Variants in XIRP2 observed in about 807,000 individuals in gnomAD.
XIRP2 encodes xin actin-binding repeat-containing protein 2.
In XIRP2, 236 loss-of-function variants were observed where a neutral mutation model predicts 277.0. The observed-to-expected ratio is 0.85, with a 90% CI of 0.77 to 0.95. The LOEUF is 0.95. XIRP2 is among the 40% of genes least tolerant of loss of function. The pLI is 0.00. For synonymous variants in XIRP2, 1,490 were observed against 1,416.5 expected (o/e 1.05, Z -1.17); for missense variants, 4,640 against 4,157.5 (o/e 1.12, Z -3.19).
At chr2:167,010,097 T>C (rs1479289792) in intron 2 of XIRP2, among the ~76,000 whole-genome samples, 2 of 152,136 alleles carry the variant, frequency 1.3e-5, no homozygotes, top group East Asian at 1.9e-4. Flanking sequence ...ATTTTGTCTT[T>C]TGTTGCCATT....
intron 2 of XIRP2, among the ~76,000 whole-genome samples, chr2:167,108,873 A>G (rs147784625): frequency 6.6e-6 from 1 of 151,488 alleles, no homozygotes; most frequent in East Asian, 1.9e-4. Context: ...TCCTTTTTTA[A>G]TCTTTTATTT....
At position 167,129,655 on chromosome 2, in the gene XIRP2, G is replaced by A. The variant is rs188762129; in HGVS notation, c.409-6254G>A. Among the ~76,000 whole-genome samples, 6 of 152,174 alleles carry A rather than the reference G, an allele frequency of 3.9e-5. No homozygotes were observed. In the East Asian group the frequency reaches 1.2e-3, roughly 29 times the overall value. On this transcript the variant is annotated intron_variant, in intron 2 of 10. Transcript: ENST00000409195. ...GGAGGCCGAGGCAAGTGGATCACCT[G>A]AGGTTGGGAGTTCGAGAACAGCCTG...
intron 2 of XIRP2, among the ~76,000 whole-genome samples, chr2:167,070,523 T>A (rs767333103): frequency 3.7e-4 from 57 of 152,206 alleles, no homozygotes; most frequent in Non-Finnish European, 6.6e-4. Context: ...TTATTTTTCA[T>A]GTATTGTAAA....
chr2:166,937,153 A>T (rs1685542456), intron 2 of XIRP2, among the ~76,000 whole-genome samples: 1 of 152,174 alleles, frequency 6.6e-6, no homozygotes, highest in Admixed American at 6.6e-5. Context: ...GAGAGAGGGC[A>T]TCCCTATCCT....
intron 3 of XIRP2, among the ~76,000 whole-genome samples, chr2:167,170,151 G>C (rs1478459195): frequency 6.6e-6 from 1 of 152,040 alleles, no homozygotes; most frequent in Non-Finnish European, 1.5e-5. Context: ...CAATGATAAA[G>C]AACTTTTAAA....
chr2:167,164,346 T>C (rs944348784), intron 3 of XIRP2, among the ~76,000 whole-genome samples: 1 of 146,004 alleles, frequency 6.8e-6, no homozygotes, highest in Non-Finnish European at 1.5e-5. Flanking sequence ...CTCGGGAGGC[T>C]GAGGCAGGAG....
At chr2:167,022,129 T>C (rs1687999763) in intron 2 of XIRP2, among the ~76,000 whole-genome samples, 1 of 152,134 alleles carries the variant, frequency 6.6e-6, no homozygotes, top group Non-Finnish European at 1.5e-5. Flanking sequence ...AGTTTTAATA[T>C]ATCTCCTTTT....
chr2:167,122,442 G>A (rs1160057290), intron 2 of XIRP2, among the ~76,000 whole-genome samples: 1 of 152,262 alleles, frequency 6.6e-6, no homozygotes, highest in East Asian at 1.9e-4. Context: ...GGCTTATTCT[G>A]CAGAGAAATA....
chr2:167,009,724 CTGT>C (rs1687610876), intron 2 of XIRP2, among the ~76,000 whole-genome samples: 1 of 152,046 alleles, frequency 6.6e-6, no homozygotes, highest in Non-Finnish European at 1.5e-5. Flanking sequence ...TCTCCAGCAC[CTGT>C]TGTTTCCTGA....
chr2:167,169,659 C>G (rs1320892607), intron 3 of XIRP2, among the ~76,000 whole-genome samples: 1 of 152,148 alleles, frequency 6.6e-6, no homozygotes, highest in Non-Finnish European at 1.5e-5. Context: ...AACTGGAAGT[C>G]TCCTTTTAAA....
At chr2:166,904,837 A>G (rs1684475785) in intron 2 of XIRP2, among the ~76,000 whole-genome samples, 1 of 152,046 alleles carries the variant, frequency 6.6e-6, no homozygotes, top group South Asian at 2.1e-4. Context: ...AGAAAGGTAC[A>G]CAGTCGTATT....
At chr2:167,088,421 G>C (rs1690028708) in intron 2 of XIRP2, among the ~76,000 whole-genome samples, 1 of 152,036 alleles carries the variant, frequency 6.6e-6, no homozygotes, top group Non-Finnish European at 1.5e-5. Flanking sequence ...TCTCTCTCCT[G>C]GACAGCTGTG....
In XIRP2 at chr2:167,058,021, A is replaced by ATTATTTTATTTTATT. The variant is rs370711918; in HGVS notation, c.409-77845_409-77831dup. On this transcript the variant is annotated intron_variant, in intron 2 of 10. Coordinates refer to ENST00000409195, the MANE Select transcript of XIRP2 (RefSeq NM_152381.6). ...TATGCATGTTTTATTTTATTTTATA[A>ATTATTTTATTTTATT]TTATTTTATTTTATTTTATTTTATT... Among the ~76,000 whole-genome samples, 184 of 136,838 alleles carry ATTATTTTATTTTATT rather than the reference A, an allele frequency of 1.3e-3. 3 individuals carry two copies. The East Asian group carries it at 0.016, about 12-fold the overall frequency. The allele number at this position is 136,838 out of a possible 152,430, so 89.8% of individuals were successfully genotyped here. A position where few individuals can be genotyped will look rare whatever the true frequency, so the allele number is the denominator to read the frequency against.
intron 2 of XIRP2, among the ~76,000 whole-genome samples, chr2:167,025,630 G>A (rs1574177303): frequency 6.6e-6 from 1 of 152,048 alleles, no homozygotes; most frequent in Non-Finnish European, 1.5e-5. Flanking sequence ...CTTTGAATGT[G>A]TCCCAGAGAT....
At chr2:167,210,669 T>A (rs1029540904) in intron 3 of XIRP2, 66 bp from the exon 4 acceptor site, 1 of 1,557,248 alleles carries the variant, frequency 6.4e-7, no homozygotes, top group Admixed American at 1.8e-5. Flanking sequence ...TCACCATTTA[T>A]AAGGTGATGC....
At chr2:167,052,955 T>C (rs1397639999) in intron 2 of XIRP2, among the ~76,000 whole-genome samples, 1 of 152,206 alleles carries the variant, frequency 6.6e-6, no homozygotes, top group Non-Finnish European at 1.5e-5. Context: ...CCACACTTTC[T>C]GTTGGTAATG....
chr2:166,983,413 T>G (rs1686925213), intron 2 of XIRP2, among the ~76,000 whole-genome samples: 1 of 152,220 alleles, frequency 6.6e-6, no homozygotes, highest in South Asian at 2.1e-4. Flanking sequence ...TGCTTTAGAT[T>G]TTTGGCCTTT....
chr2:167,077,943 G>T (rs1386232555), intron 2 of XIRP2, among the ~76,000 whole-genome samples: 3 of 152,158 alleles, frequency 2.0e-5, no homozygotes, highest in Admixed American at 6.5e-5. Context: ...GCTTAGGATT[G>T]CTTCGGCTAT....
chr2:167,161,357 A>G (rs564731381), intron 3 of XIRP2, among the ~76,000 whole-genome samples: 1 of 152,258 alleles, frequency 6.6e-6, no homozygotes, highest in African/African-American at 2.4e-5. Context: ...CCACTGCCCT[A>G]GCAGAGGTTC....
Sources: allele counts gnomAD v4.1 joint callset (sites outside exome capture counted in the v4.1 genomes callset), GRCh38; gene constraint gnomAD v4.1.1; transcripts MANE v1.5; gene names NCBI Gene and HGNC (gene_info 2026-07-23, HGNC 2026-07-21).